Variants in DPP9 observed in about 807,000 individuals in gnomAD.
DPP9 encodes the protein dipeptidyl peptidase 9, also known as dipeptidyl peptidase IV-related protein-2.
In DPP9, 50 loss-of-function variants were observed where a neutral mutation model predicts 110.7. The ratio of observed to expected loss-of-function variants is 0.45; its 90% CI spans 0.36 to 0.57. The LOEUF (loss-of-function observed/expected upper bound fraction) is 0.57, where lower values mean the gene tolerates loss of function less well. Among genes scored for constraint, DPP9 ranks in the 20% least tolerant of loss-of-function variants. The pLI, the probability that DPP9 is intolerant of heterozygous loss-of-function variation, is 0.00. For missense variants in DPP9, 1,022 were observed against 1,217.9 expected (o/e 0.84, Z 2.39); for synonymous variants, 561 against 514.4 (o/e 1.09, Z -1.23).
At position 4,694,576 on chromosome 19, in the gene DPP9, G is replaced by A. The variant is rs768560040; in HGVS notation, c.1516+85C>T. On this transcript the variant is annotated intron_variant, in intron 13 of 21. Transcript: ENST00000262960. This position sits in a 1 kb window ranked among gnomAD's most constrained non-coding sequence, Gnocchi z 4.0. ...TCCCGCAGGGTGTGCTGGCTGAGTG[G>A]GGGGGCCGACCAATGAACAAACAGC... The A allele has an allele frequency of 6.7e-7, 1 of 1,486,956 alleles. No homozygotes were observed. The highest frequency in any genetic ancestry group is 1.7e-5 in the African/African-American group (1 of 60,594). 92.1% of individuals were successfully genotyped at this position (1,486,956 alleles called of 1,614,324 possible).
rs575376278 is a variant in DPP9 at position 4,718,456 on chromosome 19, T to C, written c.56+1395A>G. On this transcript the variant is annotated intron_variant, in intron 3 of 21. Coordinates refer to ENST00000262960, the MANE Select transcript of DPP9 (RefSeq NM_139159.5). The surrounding 1 kb of genome is among the most constrained non-coding windows in gnomAD (Gnocchi z 4.3). The stretch of plus-strand genomic sequence containing the variant: ...GGTGGTGAGGACAGGGTCCTACCCA[T>C]GCGCTGGATGGGGAAATGCCTCAAG... 2.7e-3 allele frequency among the ~76,000 whole-genome samples: 416 copies of C among 152,312 alleles called. 1 individual carries two copies. The highest frequency in any genetic ancestry group is 9.5e-3 in the African/African-American group (396 of 41,574).
In DPP9 at chr19:4,689,337, G is replaced by A. The variant is rs759447208; in HGVS notation, c.1749+233C>T. Among the ~76,000 whole-genome samples the A allele has an allele frequency of 2.0e-5, 3 of 152,236 alleles. No individual in the cohort carries two copies. Among genetic ancestry groups the A allele is most frequent in the Non-Finnish European group, 4.4e-5 (3 of 68,032 alleles). On this transcript the variant is annotated intron_variant, in intron 15 of 21. Transcript: ENST00000262960. This position sits in a 1 kb window ranked among gnomAD's most constrained non-coding sequence, Gnocchi z 7.0. ...CAGAGCGGCGGAGCCCCAGCTCAGC[G>A]GACGGGCACTGGGGGGCTCCACCAC...
At position 4,675,253 on chromosome 19, in the gene DPP9, G is replaced by A. The variant is rs1410454305; in HGVS notation, c.*1311C>T. 2 of 152,314 alleles carry A rather than the reference G, an allele frequency of 1.3e-5. No homozygotes were observed. Among genetic ancestry groups the A allele is most frequent in the East Asian group, 3.9e-4 (2 of 5,190 alleles). 9.4% of individuals were successfully genotyped at this position (152,314 alleles called of 1,614,324 possible). A position where few individuals can be genotyped will look rare whatever the true frequency, so the allele number is the denominator to read the frequency against. Reference sequence around the variant, plus strand: ...ATGTTTCCAACTGGAATCGTTTAATGTGTCTACTTCTTCCACGCATAATTA... The same window carrying A: ...ATGTTTCCAACTGGAATCGTTTAATATGTCTACTTCTTCCACGCATAATTA... On this transcript the variant is annotated 3_prime_UTR_variant, in exon 22 of 22. Transcript: ENST00000262960.
Position 4,685,956 on chromosome 19 carries a change from G to T in DPP9, c.1886-185C>A. On this transcript the variant is annotated intron_variant, in intron 16 of 21. Transcript: ENST00000262960. This position sits in a 1 kb window ranked among gnomAD's most constrained non-coding sequence, Gnocchi z 5.8. The stretch of plus-strand genomic sequence containing the variant: ...ATTAAATAAGATTTGTACAGTTTTT[G>T]TAGAGATGGGGTCTTGTCTCCCTGT... 1.6e-6 allele frequency: 1 copy of T among 627,898 alleles called. No homozygotes were observed. Among genetic ancestry groups the T allele is most frequent in the Admixed American group, 3.1e-5 (1 of 32,136 alleles). The allele number at this position is 627,898 out of a possible 1,614,324, so 38.9% of individuals were successfully genotyped here. A position where few individuals can be genotyped will look rare whatever the true frequency, so the allele number is the denominator to read the frequency against.
rs898350154 is a variant in DPP9, at chr19:4,697,632, T to C, written c.1094A>G (p.Lys365Arg). ...SQGKIVSTQEKELVQPFSSLF... is the reference protein window; with the variant it reads ...SQGKIVSTQERELVQPFSSLF... ...CGAGCTGAAGGGCTGCACCAGCTCCTTCTCCTGGGTCGAGACGATCTGAAG... is the reference window on the plus strand; with the variant it reads ...CGAGCTGAAGGGCTGCACCAGCTCCCTCTCCTGGGTCGAGACGATCTGAAG... Residue 365 changes from lysine (K) to arginine (R), a missense_variant, in exon 11 of 22, where the codon AAG becomes AGG. Lys to Arg is a conservative substitution (Grantham distance 26). Coordinates refer to ENST00000262960, the MANE Select transcript of DPP9 (RefSeq NM_139159.5). The C allele has an allele frequency of 6.2e-7, 1 of 1,613,748 alleles. No individual in the cohort carries two copies. Among genetic ancestry groups the C allele is most frequent in the African/African-American group, 1.3e-5 (1 of 74,932 alleles).
rs187305681 is a variant in DPP9, at chr19:4,704,896, C to T, written c.427-592G>A. Among the ~76,000 whole-genome samples, 62 of 152,104 alleles carry T rather than the reference C, an allele frequency of 4.1e-4. No individual in the cohort carries two copies. Among genetic ancestry groups the T allele is most frequent in the Non-Finnish European group, 7.4e-4 (50 of 67,986 alleles). On this transcript the variant is annotated intron_variant, in intron 5 of 21. Coordinates refer to ENST00000262960, the MANE Select transcript of DPP9 (RefSeq NM_139159.5). The surrounding 1 kb of genome is among the most constrained non-coding windows in gnomAD (Gnocchi z 6.0). Reference sequence around the variant, plus strand: ...CGCCTGTAGTCCCAGCTACTTGGGACGCTGAGGCAGAAGAATCACTTGAAC... The same window carrying T: ...CGCCTGTAGTCCCAGCTACTTGGGATGCTGAGGCAGAAGAATCACTTGAAC...
intron 3 of DPP9, among the ~76,000 whole-genome samples, chr19:4,714,940 G>A (rs575642766): frequency 1.7e-4 from 26 of 150,514 alleles, no homozygotes; most frequent in Middle Eastern, 3.4e-3. Flanking sequence ...CAGGGCCTTT[G>A]CACATGCTGG....
intron 16 of DPP9, among the ~76,000 whole-genome samples, chr19:4,688,137 CTTGCT>C (rs747076374): frequency 0.065 from 9,954 of 152,038 alleles, 573 homozygotes; most frequent in African/African-American, 0.15. Flanking sequence ...GAGTCAGGGT[CTTGCT>C]CTGTTGCCCA....
chr19:4,680,656 T>TAAAAA (rs531015203), intron 20 of DPP9, among the ~76,000 whole-genome samples: 1 of 127,370 alleles, frequency 7.9e-6, no homozygotes, highest in African/African-American at 2.8e-5. Flanking sequence ...GAGCTATGAT[T>TAAAAA]AAAAAAAAAA....
At chr19:4,717,416 C>G (rs1319096888) in intron 3 of DPP9, among the ~76,000 whole-genome samples, 1 of 152,166 alleles carries the variant, frequency 6.6e-6, no homozygotes, top group South Asian at 2.1e-4. Flanking sequence ...GAAAACTGAG[C>G]CCGGGGAGCT....
chr19:4,686,020 C>A, intron 16 of DPP9: 1 of 438,118 alleles, frequency 2.3e-6, no homozygotes, highest in Non-Finnish European at 4.2e-6. Context: ...TCAAGCGATC[C>A]TCCCACCTCG....
chr19:4,679,642 G>C, intron 21 of DPP9, 193 bp downstream of exon 21: 1 of 589,748 alleles, frequency 1.7e-6, no homozygotes, highest in Non-Finnish European at 3.0e-6. Flanking sequence ...GAGCTGTCAA[G>C]ACAGGACTGA....
rs930538062 is a variant in DPP9, at chr19:4,676,934, T to C, written c.2587-278A>G. Among the ~76,000 whole-genome samples the C allele has an allele frequency of 2.0e-5, 3 of 152,122 alleles. No homozygotes were observed. Among genetic ancestry groups the C allele is most frequent in the Admixed American group, 6.5e-5 (1 of 15,278 alleles). ...TGCACGCGCTTGCACAGAGGAAAGA[T>C]TTAGGAAGAAACCGTTTGCCTCTTT... On this transcript the variant is annotated intron_variant, in intron 21 of 21. Transcript: ENST00000262960. This position sits in a 1 kb window ranked among gnomAD's most constrained non-coding sequence, Gnocchi z 4.0.
intron 9 of DPP9, 144 bp downstream of exon 9, chr19:4,701,883 G>A (rs748397842): frequency 5.8e-6 from 7 of 1,211,164 alleles, no homozygotes; most frequent in African/African-American, 1.5e-5. Context: ...CCCCTGCAGG[G>A]CAGAAGCCTT....
At chr19:4,688,666 G>C (rs2091022829) in intron 16 of DPP9, 91 bp downstream of exon 16, 1 of 1,339,812 alleles carries the variant, frequency 7.5e-7, no homozygotes, top group Non-Finnish European at 9.5e-7. Flanking sequence ...CCAGCTCCAG[G>C]CCTCTGCCTC....
rs1043078745 is a variant in DPP9, at chr19:4,698,180, G to A, written c.1075-529C>T. ...GTCCCTTAGAGCCAGGTGGCTCTGGGCAAGCACAGTCCCCGGACCCAGGGC... is the reference window on the plus strand; with the variant it reads ...GTCCCTTAGAGCCAGGTGGCTCTGGACAAGCACAGTCCCCGGACCCAGGGC... On this transcript the variant is annotated intron_variant, in intron 10 of 21. Transcript: ENST00000262960. The surrounding 1 kb of genome is among the most constrained non-coding windows in gnomAD (Gnocchi z 4.2). Among the ~76,000 whole-genome samples, 5 of 152,218 alleles carry A rather than the reference G, an allele frequency of 3.3e-5. No homozygotes were observed. Among genetic ancestry groups the A allele is most frequent in the African/African-American group, 9.6e-5 (4 of 41,466 alleles).
At chr19:4,719,698 C>A in intron 3 of DPP9, 153 bp downstream of exon 3, 1 of 887,170 alleles carries the variant, frequency 1.1e-6, no homozygotes. Flanking sequence ...CGCCACACTG[C>A]CTCCTCGCTT....
In DPP9 at chr19:4,683,489, G is replaced by A; in HGVS notation, c.2319C>T (p.Pro773=). The change falls in exon 19 of 22, where the codon CCC becomes CCT. Residue 773 remains proline, a synonymous_variant. Coordinates refer to ENST00000262960, the MANE Select transcript of DPP9 (RefSeq NM_139159.5). ...GGGTGGGACCCACCTTGAACACCTG[G>A]GGCTTGTGGATTAGCCCCATGAGCG... is the stretch of plus-strand genomic sequence containing the variant. ...FLSLMGLIHK[P]QVFKVAIAGA... The A allele has an allele frequency of 3.1e-6, 5 of 1,613,102 alleles. No individual in the cohort carries two copies. The highest frequency in any genetic ancestry group is 4.2e-6 in the Non-Finnish European group (5 of 1,179,860).
At position 4,695,527 on chromosome 19, in the gene DPP9, G is replaced by A; in HGVS notation, c.1204C>T (p.Gln402Ter). The A allele has an allele frequency of 6.6e-7, 1 of 1,523,044 alleles. No homozygotes were observed. The highest frequency in any genetic ancestry group is 2.4e-5 in the East Asian group (1 of 40,972). The allele number at this position is 1,523,044 out of a possible 1,614,324, so 94.3% of individuals were successfully genotyped here. Reference protein sequence around the residue: ...YAWAMFLDRPQQWLQLVLLPP... With the variant: ...YAWAMFLDRP Reference sequence around the variant, plus strand: ...AGGAGGACGAGCTGGAGCCACTGCTGGGGCCGGTCCAGGAACATGGCCCAG... The same window carrying A: ...AGGAGGACGAGCTGGAGCCACTGCTAGGGCCGGTCCAGGAACATGGCCCAG... Residue 402 changes from glutamine (Q) to a stop codon, truncating the protein, a stop_gained, in exon 12 of 22, where the codon CAG becomes TAG. Coordinates refer to ENST00000262960, the MANE Select transcript of DPP9 (RefSeq NM_139159.5). LOFTEE classifies it high-confidence loss of function. The surrounding 1 kb of genome is among the most constrained non-coding windows in gnomAD (Gnocchi z 4.7).
Sources: allele counts gnomAD v4.1 joint callset (sites outside exome capture counted in the v4.1 genomes callset), GRCh38; gene constraint gnomAD v4.1.1; non-coding constraint Gnocchi (gnomAD v3.1); transcripts MANE v1.5; gene names NCBI Gene and HGNC (gene_info 2026-07-23, HGNC 2026-07-21).